The following TFAM variants were observed in gnomAD, a reference collection of about 807,000 sequenced individuals.
TFAM encodes transcription factor A, mitochondrial.
In TFAM, 13 loss-of-function variants were observed where a neutral mutation model predicts 30.6. The observed-to-expected ratio is 0.42, with a 90% CI of 0.28 to 0.67. The LOEUF is 0.67. TFAM is among the 30% of genes least tolerant of loss of function. The pLI, the probability that TFAM is intolerant of heterozygous loss-of-function variation, is 0.21. For missense variants in TFAM, 231 were observed against 293.7 expected, an observed-to-expected ratio of 0.79 and a Z score of 1.56; for synonymous variants, 106 against 94.8, an observed-to-expected ratio of 1.12 and a Z score of -0.69.
At position 58,386,247 on chromosome 10, in the gene TFAM, A is replaced by G. The variant is rs769957648; in HGVS notation, c.129A>G (p.Ser43=). ...FSFVYLPRWF[S]SVLASCPKKP... Reference sequence around the variant, plus strand: ...TTGTGTATTTACCGAGGTGGTTTTCATCTGTCTTGGCAAGTTGTCCAAAGA... The same window carrying G: ...TTGTGTATTTACCGAGGTGGTTTTCGTCTGTCTTGGCAAGTTGTCCAAAGA... The change falls in exon 2 of 7, where the codon TCA becomes TCG. Residue 43 remains serine, a synonymous_variant. Coordinates refer to ENST00000487519, the MANE Select transcript of TFAM (RefSeq NM_003201.3). 4 of 1,613,324 alleles carry G rather than the reference A, an allele frequency of 2.5e-6. No individual in the cohort carries two copies. The highest frequency in any genetic ancestry group is 3.4e-6 in the Non-Finnish European group (4 of 1,179,738).
rs1015093448 is a variant in TFAM at position 58,396,666 on chromosome 10, C to T, written c.*1592C>T. On this transcript the variant is annotated 3_prime_UTR_variant, in exon 7 of 7. Coordinates refer to ENST00000487519, the MANE Select transcript of TFAM (RefSeq NM_003201.3). ...CCTGTTTGAGCAGAATAATTCTCATCAGTTCACAGATATAGGATAACTCAA... is the reference window on the plus strand; with the variant it reads ...CCTGTTTGAGCAGAATAATTCTCATTAGTTCACAGATATAGGATAACTCAA... 6.6e-6 allele frequency: 1 copy of T among 152,192 alleles called. No homozygotes were observed. Among genetic ancestry groups the T allele is most frequent in the Non-Finnish European group, 1.5e-5 (1 of 68,038 alleles). The allele number at this position is 152,192 out of a possible 1,614,324, so 9.4% of individuals were successfully genotyped here.
At chr10:58,387,512 T>C (rs1362038496) in intron 2 of TFAM, among the ~76,000 whole-genome samples, 1 of 152,216 alleles carries the variant, frequency 6.6e-6, no homozygotes, top group Non-Finnish European at 1.5e-5. Flanking sequence ...GTTATATGGA[T>C]CGAGAATGTA....
chr10:58,386,176 G>A, intron 1 of TFAM, 44 bp from the exon 2 acceptor site: 2 of 1,267,000 alleles, frequency 1.6e-6, no homozygotes, highest in Non-Finnish European at 2.3e-6. Flanking sequence ...AATATTGACA[G>A]TTAAACATCT....
At position 58,395,587 on chromosome 10, in the gene TFAM, C is replaced by T. The variant is rs1178551418; in HGVS notation, c.*513C>T. ...TGATGGTTGTACATATAAGTGATTGCTGGTTTTAGTTGCAACTTTGTATAA... is the reference window on the plus strand; with the variant it reads ...TGATGGTTGTACATATAAGTGATTGTTGGTTTTAGTTGCAACTTTGTATAA... On this transcript the variant is annotated 3_prime_UTR_variant, in exon 7 of 7. Transcript: ENST00000487519. 8.3e-6 allele frequency: 2 copies of T among 242,048 alleles called. No individual in the cohort carries two copies. The highest frequency in any genetic ancestry group is 4.4e-5 in the African/African-American group (2 of 45,308). The allele number at this position is 242,048 out of a possible 1,614,324, so 15.0% of individuals were successfully genotyped here.
rs1840687909 is a variant in TFAM, at chr10:58,396,667, A to C, written c.*1593A>C. ...CTGTTTGAGCAGAATAATTCTCATC[A>C]GTTCACAGATATAGGATAACTCAAT... On this transcript the variant is annotated 3_prime_UTR_variant, in exon 7 of 7. Coordinates refer to ENST00000487519, the MANE Select transcript of TFAM (RefSeq NM_003201.3). 1 of 152,238 alleles carries C rather than the reference A, an allele frequency of 6.6e-6. No individual in the cohort carries two copies. The highest frequency in any genetic ancestry group is 2.1e-4 in the South Asian group (1 of 4,828). 9.4% of individuals were successfully genotyped at this position (152,238 alleles called of 1,614,324 possible). A position where few individuals can be genotyped will look rare whatever the true frequency, so the allele number is the denominator to read the frequency against.
At chr10:58,394,472 A>G (rs759088436) in intron 6 of TFAM, 58 bp downstream of exon 6, 4 of 1,406,272 alleles carry the variant, frequency 2.8e-6, no homozygotes, top group Non-Finnish European at 4.0e-6. Context: ...GAGAGAATGT[A>G]TTAGGGCAAG....
At chr10:58,392,580 C>T (rs1369680382) in intron 5 of TFAM, among the ~76,000 whole-genome samples, 1 of 151,898 alleles carries the variant, frequency 6.6e-6, no homozygotes, top group Non-Finnish European at 1.5e-5. Flanking sequence ...AGTATGGTAC[C>T]ATTTCCCTCA....
chr10:58,395,223 A>G lies in TFAM; in HGVS notation c.*149A>G. The G allele has an allele frequency of 2.5e-6, 2 of 810,830 alleles. No homozygotes were observed. Among genetic ancestry groups the G allele is most frequent in the South Asian group, 1.6e-5 (1 of 61,606 alleles). The allele number at this position is 810,830 out of a possible 1,614,324, so 50.2% of individuals were successfully genotyped here. ...TTTATTCAGCTCATGGACTTCTGCC[A>G]GCATAATACTTGCTTTGGAAAACCC... On this transcript the variant is annotated 3_prime_UTR_variant, in exon 7 of 7. Transcript: ENST00000487519.
rs1840668933 is a variant in TFAM, at chr10:58,395,635, CT to C, written c.*567del. 1 of 257,338 alleles carries C rather than the reference CT, an allele frequency of 3.9e-6. No homozygotes were observed. The highest frequency in any genetic ancestry group is 1.6e-4 in the South Asian group (1 of 6,208). The allele number at this position is 257,338 out of a possible 1,614,324, so 15.9% of individuals were successfully genotyped here. The stretch of plus-strand genomic sequence containing the variant: ...TAAAAGGGACTGAGAAATTTATAAA[CT>C]TTTTTCTTACTGTCTTTTTTCTAAA... On this transcript the variant is annotated 3_prime_UTR_variant, in exon 7 of 7. Transcript: ENST00000487519.
chr10:58,389,452 A>G (rs1840550868), intron 4 of TFAM, among the ~76,000 whole-genome samples: 1 of 152,194 alleles, frequency 6.6e-6, no homozygotes, highest in Non-Finnish European at 1.5e-5. Context: ...TCAGTTTGCT[A>G]GTCGTGTACC....
At chr10:58,391,044 C>T (rs921620320) in intron 5 of TFAM, among the ~76,000 whole-genome samples, 184 bp downstream of exon 5, 2 of 151,890 alleles carry the variant, frequency 1.3e-5, no homozygotes, top group Non-Finnish European at 2.9e-5. Flanking sequence ...ATGTAGTTGC[C>T]AACACATACA....
intron 2 of TFAM, chr10:58,386,780 A>G: frequency 1.2e-6 from 1 of 841,872 alleles, no homozygotes; most frequent in Non-Finnish European, 1.5e-6. Flanking sequence ...CTTTCAAGAT[A>G]AGAAAGGATA....
At chr10:58,393,339 T>G (rs891750993) in intron 5 of TFAM, among the ~76,000 whole-genome samples, 1 of 152,232 alleles carries the variant, frequency 6.6e-6, no homozygotes, top group East Asian at 1.9e-4. Flanking sequence ...TTCACCTGTT[T>G]TACACCTGTC....
chr10:58,390,604 A>G (rs1482601772), intron 4 of TFAM, among the ~76,000 whole-genome samples, 161 bp from the exon 5 acceptor site: 1 of 152,232 alleles, frequency 6.6e-6, no homozygotes, highest in Non-Finnish European at 1.5e-5. Flanking sequence ...GCTGTCAAAA[A>G]AATTCTGACC....
At chr10:58,386,840 C>T (rs552581618) in intron 2 of TFAM, 115 of 286,552 alleles carry the variant, frequency 4.0e-4, no homozygotes, top group Non-Finnish European at 5.7e-4. Flanking sequence ...TTGATTCAGA[C>T]CTCGACCTTG....
At chr10:58,394,618 C>G (rs1231743556) in intron 6 of TFAM, 4 of 708,220 alleles carry the variant, frequency 5.6e-6, no homozygotes, top group Non-Finnish European at 1.0e-5. Context: ...TTTGAAACCA[C>G]AGCACTCATA....
At chr10:58,386,117 A>T in intron 1 of TFAM, 103 bp from the exon 2 acceptor site, 1 of 848,960 alleles carries the variant, frequency 1.2e-6, no homozygotes. Flanking sequence ...TTGGATACAT[A>T]GTATCTTGAT....
chr10:58,391,959 C>T (rs1198471663), intron 5 of TFAM, among the ~76,000 whole-genome samples: 2 of 147,152 alleles, frequency 1.4e-5, no homozygotes, highest in African/African-American at 5.0e-5. Flanking sequence ...CAATAATTCA[C>T]CCTCAAACTC....
At chr10:58,394,305 A>G in intron 5 of TFAM, 53 bp from the exon 6 acceptor site, 1 of 1,283,764 alleles carries the variant, frequency 7.8e-7, no homozygotes, top group Non-Finnish European at 1.1e-6. Context: ...TGAATAATAA[A>G]GGTCACTGAA....
Sources: gnomAD v4.1 joint callset for allele counts (sites outside exome capture counted in the v4.1 genomes callset) on GRCh38, gnomAD v4.1.1 for gene constraint, MANE v1.5 for transcripts, NCBI Gene and HGNC (gene_info 2026-07-23, HGNC 2026-07-21) for gene names.